KLHL30: variants seen among roughly 807,000 people sequenced by gnomAD.
The protein encoded by KLHL30 is kelch like family member 30, also known as kelch-like protein 30.
In KLHL30, 55 loss-of-function variants were observed where a neutral mutation model predicts 55.0. That is an observed-to-expected ratio of 1.00 (90% CI 0.80 to 1.25). The LOEUF is 1.25. KLHL30 is among the 50% of genes most tolerant of loss of function. The pLI is 0.00. For synonymous variants in KLHL30, 356 were observed against 372.6 expected (o/e 0.96, Z 0.51); for missense variants, 786 against 811.6 (o/e 0.97, Z 0.38).
At position 238,150,898 on chromosome 2, in the gene KLHL30, G is replaced by A. The variant is rs1443298666; in HGVS notation, c.1570G>A (p.Gly524Ser). The change falls in exon 8 of 8, where the codon GGC (glycine) becomes AGC (serine). Residue 524 changes from glycine (G) to serine (S), a missense_variant. Coordinates refer to ENST00000409223, the MANE Select transcript of KLHL30 (RefSeq NM_198582.4). ...ALYVTGGRWQ[G>S]MEGDYHVEME... ...GTACGTGACGGGCGGCCGCTGGCAGGGCATGGAAGGTGACTACCACGTGGA... is the reference window on the plus strand; with the variant it reads ...GTACGTGACGGGCGGCCGCTGGCAGAGCATGGAAGGTGACTACCACGTGGA... The A allele has an allele frequency of 1.8e-5, 29 of 1,599,744 alleles. No individual in the cohort carries two copies. Among genetic ancestry groups the A allele is most frequent in the Non-Finnish European group, 2.4e-5 (28 of 1,174,496 alleles).
rs1401766338 is a variant in KLHL30, at chr2:238,144,915, A to C, written c.921A>C (p.Ala307=). The C allele has an allele frequency of 2.0e-5, 33 of 1,610,454 alleles. No homozygotes were observed. Among genetic ancestry groups the C allele is most frequent in the Non-Finnish European group, 2.7e-5 (32 of 1,178,472 alleles). Residue 307 remains alanine, a synonymous_variant, in exon 4 of 8, where the codon GCA becomes GCC. Transcript: ENST00000409223. Reference sequence around the variant, plus strand: ...TCTTCCTGCCAGAGAGGTGGATGGCACTTCCAGACTTCCCCGACTATCACA... The same window carrying C: ...TCTTCCTGCCAGAGAGGTGGATGGCCCTTCCAGACTTCCCCGACTATCACA... ...FYNSKAKRWM[A]LPDFPDYHKW... is the part of the protein sequence containing the mutation.
chr2:238,140,462 C>G (rs542361801), intron 1 of KLHL30, among the ~76,000 whole-genome samples: 15 of 152,312 alleles, frequency 9.8e-5, no homozygotes, highest in African/African-American at 3.4e-4. Flanking sequence ...CTCCCACCCT[C>G]TCTGAACCTC....
chr2:238,140,707 T>G lies in KLHL30; in HGVS notation c.-48T>G. ...TAGGAGCTCGGGCGGCTCCAGGCACTTCTTCCCTTGAGTGGGTGGACTACT... is the reference window on the plus strand; with the variant it reads ...TAGGAGCTCGGGCGGCTCCAGGCACGTCTTCCCTTGAGTGGGTGGACTACT... On this transcript the variant is annotated 5_prime_UTR_variant, in exon 2 of 8. Transcript: ENST00000409223. 6.9e-7 allele frequency: 1 copy of G among 1,458,548 alleles called. No individual in the cohort carries two copies. The highest frequency in any genetic ancestry group is 1.4e-5 in the South Asian group (1 of 69,728). 90.4% of individuals were successfully genotyped at this position (1,458,548 alleles called of 1,614,324 possible). A position where few individuals can be genotyped will look rare whatever the true frequency, so the allele number is the denominator to read the frequency against.
In KLHL30 at chr2:238,147,982, G is replaced by T. The variant is rs1216253837; in HGVS notation, c.1299G>T (p.Lys433Asn). 1.3e-6 allele frequency: 2 copies of T among 1,548,832 alleles called. No homozygotes were observed. The highest frequency in any genetic ancestry group is 1.7e-6 in the Non-Finnish European group (2 of 1,147,510). Reference protein sequence around the residue: ...RLYLVGSSACKYNALALQCYN... With the variant: ...RLYLVGSSACNYNALALQCYN... ...ACCTGGTGGGCTCCAGCGCCTGCAA[G>T]TACAACGCCCTGGCCCTGCAGTGCT... Residue 433 changes from lysine (K) to asparagine (N), a missense_variant, in exon 6 of 8, where the codon AAG becomes AAT. Physicochemically the swap from Lys to Asn is moderately conservative, Grantham distance 94. Coordinates refer to ENST00000409223, the MANE Select transcript of KLHL30 (RefSeq NM_198582.4). This position sits in a 1 kb window ranked among gnomAD's most constrained non-coding sequence, Gnocchi z 5.8.
chr2:238,141,454 C>G lies in KLHL30; in HGVS notation c.700C>G (p.Gln234Glu), dbSNP rs1361091527. ...LDAVPRPCVQ[Q>E]LLASEPLIQE... ...CGCCGTGCCCAGGCCCTGCGTGCAG[C>G]AACTGCTGGCCTCAGAGCCCCTGAT... is the stretch of plus-strand genomic sequence containing the variant. Residue 234 changes from glutamine to glutamate, a missense_variant, in exon 2 of 8, where the codon CAA becomes GAA. Transcript: ENST00000409223. 3 of 1,533,116 alleles carry G rather than the reference C, an allele frequency of 2.0e-6. No homozygotes were observed. Among genetic ancestry groups the G allele is most frequent in the Non-Finnish European group, 2.6e-6 (3 of 1,145,494 alleles). 95.0% of individuals were successfully genotyped at this position (1,533,116 alleles called of 1,614,324 possible).
chr2:238,151,882 G>A lies in KLHL30; in HGVS notation c.*817G>A, dbSNP rs1257491603. 2.0e-6 allele frequency: 2 copies of A among 985,344 alleles called. No individual in the cohort carries two copies. The highest frequency in any genetic ancestry group is 2.4e-6 in the Non-Finnish European group (2 of 829,924). The allele number at this position is 985,344 out of a possible 1,614,324, so 61.0% of individuals were successfully genotyped here. On this transcript the variant is annotated 3_prime_UTR_variant, in exon 8 of 8. Transcript: ENST00000409223. The stretch of plus-strand genomic sequence containing the variant: ...TCATTAGAATGGAATTTCCCACCAG[G>A]GGACGACTCTTGGGTGCATTGGTGG...
chr2:238,141,489 A>G lies in KLHL30; in HGVS notation c.735A>G (p.Ser245=). 6.7e-7 allele frequency: 1 copy of G among 1,487,910 alleles called. No individual in the cohort carries two copies. Among genetic ancestry groups the G allele is most frequent in the Non-Finnish European group, 8.9e-7 (1 of 1,125,810 alleles). The allele number at this position is 1,487,910 out of a possible 1,614,324, so 92.2% of individuals were successfully genotyped here. Residue 245 remains serine (S), a synonymous_variant, in exon 2 of 8, where the codon TCA becomes TCG. Transcript: ENST00000409223. ...LLASEPLIQE[S]EACRAALSQG... is the part of the protein sequence containing the mutation. The stretch of plus-strand genomic sequence containing the variant: ...CCTCAGAGCCCCTGATCCAGGAGTC[A>G]GAGGCATGCCGGGCAGCCCTGTCCC...
intron 3 of KLHL30, among the ~76,000 whole-genome samples, chr2:238,144,432 A>AAGGAATGAAGGAAGGAAGGCAGGC (rs1692608040): frequency 2.4e-5 from 2 of 82,380 alleles, no homozygotes; most frequent in Admixed American, 1.2e-4. Context: ...GGAAGGAAGG[A>AAGGAATGAAGGAAGGAAGGCAGGC]AGGCAGGCAG....
intron 2 of KLHL30, among the ~76,000 whole-genome samples, 189 bp from the exon 3 acceptor site, chr2:238,142,610 G>T (rs1304016130): frequency 6.6e-6 from 1 of 152,220 alleles, no homozygotes; most frequent in African/African-American, 2.4e-5. Context: ...GATGGTTCAG[G>T]AACTCCAGGA....
chr2:238,141,205 G>T lies in KLHL30; in HGVS notation c.451G>T (p.Ala151Ser). Residue 151 changes from alanine to serine, a missense_variant, in exon 2 of 8, where the codon GCT (alanine) becomes TCT (serine). Ala to Ser is a moderately conservative substitution (Grantham distance 99). Transcript: ENST00000409223. ...GGAGCAGCAAGGGCTGCTGGGCGTG[G>T]CTGCCAAGGCCTGGGCCTTCCTGCG... is the stretch of plus-strand genomic sequence containing the variant. ...FGEQQGLLGV[A>S]AKAWAFLREN... 1 of 1,611,128 alleles carries T rather than the reference G, an allele frequency of 6.2e-7. No homozygotes were observed. The highest frequency in any genetic ancestry group is 8.5e-7 in the Non-Finnish European group (1 of 1,179,716).
intron 5 of KLHL30, among the ~76,000 whole-genome samples, chr2:238,146,597 G>A (rs1260336977): frequency 2.7e-5 from 4 of 150,492 alleles, no homozygotes; most frequent in Admixed American, 6.6e-5. Flanking sequence ...TGTAGTGATC[G>A]GATTTCACCA....
chr2:238,149,195 G>A (rs762201285), intron 7 of KLHL30, 43 bp downstream of exon 7: 3 of 1,607,144 alleles, frequency 1.9e-6, no homozygotes, highest in South Asian at 1.1e-5. Flanking sequence ...CCCTGCCCAG[G>A]ACTCCTGACA....
rs759128818 is a variant in KLHL30 at position 238,149,116 on chromosome 2, C to G, written c.1449C>G (p.Val483=). The G allele has an allele frequency of 6.2e-7, 1 of 1,613,092 alleles. No individual in the cohort carries two copies. Among genetic ancestry groups the G allele is most frequent in the South Asian group, 1.1e-5 (1 of 91,070 alleles). The change falls in exon 7 of 8, where the codon GTC becomes GTG. Residue 483 remains valine (V), a synonymous_variant. Transcript: ENST00000409223. ...TCATTGGGGACAACACCAAGAAGGT[C>G]TACGTGTACGACCCCGGGGCCAACC... ...LYLIGDNTKK[V]YVYDPGANLW...
intron 2 of KLHL30, among the ~76,000 whole-genome samples, chr2:238,142,564 G>A (rs145768673): frequency 1.2e-4 from 19 of 152,326 alleles, no homozygotes; most frequent in Non-Finnish European, 2.6e-4. Context: ...AAGCTTATGC[G>A]TGGCGCTGCG....
At chr2:238,144,852 C>G (rs959123994) in intron 3 of KLHL30, 50 bp from the exon 4 acceptor site, 23 of 1,422,676 alleles carry the variant, frequency 1.6e-5, no homozygotes, top group Non-Finnish European at 2.2e-5. Flanking sequence ...GGGGACCACC[C>G]CAGCAGGGAG....
intron 6 of KLHL30, 48 bp from the exon 7 acceptor site, chr2:238,148,959 C>G: frequency 6.5e-7 from 1 of 1,546,382 alleles, no homozygotes; most frequent in South Asian, 1.2e-5. Flanking sequence ...TGCTAGTGCC[C>G]GCTCTGGCAA....
Position 238,142,890 on chromosome 2 carries a change from C to G in KLHL30, c.866C>G (p.Thr289Ser). Reference sequence around the variant, plus strand: ...GAGGAGGAGGCAGGTGAGGAGCCCACCCCCGGCCTTGGGAACTTTGCCTTC... The same window carrying G: ...GAGGAGGAGGCAGGTGAGGAGCCCAGCCCCGGCCTTGGGAACTTTGCCTTC... Reference protein sequence around the residue: ...LEEEEAGEEPTPGLGNFAFYN... With the variant: ...LEEEEAGEEPSPGLGNFAFYN... Residue 289 changes from threonine to serine, a missense_variant, in exon 3 of 8, where the codon ACC becomes AGC. Transcript: ENST00000409223. The G allele has an allele frequency of 3.3e-6, 5 of 1,494,846 alleles. No individual in the cohort carries two copies. The highest frequency in any genetic ancestry group is 4.4e-6 in the Non-Finnish European group (5 of 1,132,992). 92.6% of individuals were successfully genotyped at this position (1,494,846 alleles called of 1,614,324 possible).
At chr2:238,150,746 C>T in intron 7 of KLHL30, 68 bp from the exon 8 acceptor site, 2 of 1,506,168 alleles carry the variant, frequency 1.3e-6, no homozygotes, top group Middle Eastern at 2.3e-4. Flanking sequence ...CCCGACCCTG[C>T]TGAGGGCACC....
In KLHL30 at chr2:238,140,969, C is replaced by A. The variant is rs764766983; in HGVS notation, c.215C>A (p.Ala72Glu). ...GGTGACTTCGCCGAGAGCTTCTCTG[C>A]GCGCGTGGAGCTGCGGGACGTGGAG... ...FAGDFAESFSARVELRDVEPA... is the reference protein window; with the variant it reads ...FAGDFAESFSERVELRDVEPA... The change falls in exon 2 of 8, where the codon GCG becomes GAG. Residue 72 changes from alanine to glutamate, a missense_variant. By Grantham distance (107) the Ala-to-Glu change is moderately radical. Coordinates refer to ENST00000409223, the MANE Select transcript of KLHL30 (RefSeq NM_198582.4). The A allele has an allele frequency of 7.4e-6, 12 of 1,612,152 alleles. No homozygotes were observed. The highest frequency in any genetic ancestry group is 3.3e-5 in the South Asian group (3 of 91,058).
Sources: gnomAD v4.1 joint callset for allele counts (sites outside exome capture counted in the v4.1 genomes callset) on GRCh38, gnomAD v4.1.1 for gene constraint, Gnocchi (gnomAD v3.1) non-coding constraint, MANE v1.5 for transcripts, NCBI Gene and HGNC (gene_info 2026-07-23, HGNC 2026-07-21) for gene names.